The following SEPTIN9 variants were observed in gnomAD, a reference collection of about 807,000 sequenced individuals.
SEPTIN9 encodes septin-9.
In SEPTIN9, 13 loss-of-function variants were observed where a neutral mutation model predicts 56.6. The observed-to-expected ratio is 0.23, with a 90% confidence interval of 0.15 to 0.37. The LOEUF (loss-of-function observed/expected upper bound fraction) is 0.37, where lower values mean the gene tolerates loss of function less well. SEPTIN9 is among the 10% of genes least tolerant of loss of function. The probability of loss-of-function intolerance (pLI) is 1.00; values close to 1 mark genes in which losing one functional copy is unlikely to be tolerated. For synonymous variants in SEPTIN9, 332 were observed against 334.1 expected, an observed-to-expected ratio of 0.99 and a Z score of 0.07; for missense variants, 650 against 823.1, an observed-to-expected ratio of 0.79 and a Z score of 2.57.
intron 3 of SEPTIN9, among the ~76,000 whole-genome samples, chr17:77,443,749 G>T (rs557264753): frequency 9.9e-5 from 15 of 151,946 alleles, no homozygotes; most frequent in East Asian, 3.9e-4. Flanking sequence ...AGTGAGCTGA[G>T]ATCGCGCCAC....
In SEPTIN9 at chr17:77,492,141, C is replaced by T. The variant is rs116503084; in HGVS notation, c.1381-480C>T. On this transcript the variant is annotated intron_variant, in intron 8 of 11. Transcript: ENST00000427177. The surrounding 1 kb of genome is among the most constrained non-coding windows in gnomAD (Gnocchi z 5.4). Reference sequence around the variant, plus strand: ...GGGTGTGTCTGCCGGAGGCTACACACGGGCTGTGGTCTGTGCCTGGGCAGG... The same window carrying T: ...GGGTGTGTCTGCCGGAGGCTACACATGGGCTGTGGTCTGTGCCTGGGCAGG... Among the ~76,000 whole-genome samples, 3,887 of 152,232 alleles carry T rather than the reference C, an allele frequency of 0.026. 151 individuals carry two copies. The highest frequency in any genetic ancestry group is 0.086 in the African/African-American group (3,577 of 41,532).
Position 77,467,903 on chromosome 17 carries a change from G to T in SEPTIN9, c.722-14241G>T, listed in dbSNP as rs1421362102. ...CAGCGTCTTACTGGGTGCTTCGGAC[G>T]TGTAAGGTTTTGTGGGTAGTGAATG... On this transcript the variant is annotated intron_variant, in intron 3 of 11. Coordinates refer to ENST00000427177, the MANE Select transcript of SEPTIN9 (RefSeq NM_001113491.2). Among the ~76,000 whole-genome samples the T allele has an allele frequency of 2.6e-5, 4 of 152,144 alleles. No individual in the cohort carries two copies. The East Asian group carries it at 5.8e-4, about 22-fold the overall frequency.
intron 3 of SEPTIN9, among the ~76,000 whole-genome samples, chr17:77,462,828 G>C (rs893388349): frequency 1.3e-5 from 2 of 152,126 alleles, no homozygotes; most frequent in African/African-American, 4.8e-5. Context: ...TTTTAGTAGG[G>C]ATGGGGTTTT....
chr17:77,284,773 G>T (rs915605440), intron 1 of SEPTIN9, among the ~76,000 whole-genome samples: 4 of 152,154 alleles, frequency 2.6e-5, no homozygotes, highest in Non-Finnish European at 5.9e-5. Flanking sequence ...GGGATTGTAG[G>T]AACGTGCCAC....
chr17:77,461,250 G>C (rs2144500061), intron 3 of SEPTIN9, among the ~76,000 whole-genome samples: 1 of 150,474 alleles, frequency 6.6e-6, no homozygotes, highest in East Asian at 2.0e-4. Flanking sequence ...AGGTTGCAGT[G>C]AGCCGAGATC....
chr17:77,378,659 C>T (rs2035022650), intron 2 of SEPTIN9, among the ~76,000 whole-genome samples: 1 of 152,226 alleles, frequency 6.6e-6, no homozygotes, highest in Admixed American at 6.5e-5. Flanking sequence ...GAAAGCACGG[C>T]AGACACTAGT....
chr17:77,473,460 T>C (rs753250243), intron 3 of SEPTIN9, among the ~76,000 whole-genome samples: 26 of 152,204 alleles, frequency 1.7e-4, no homozygotes, highest in Non-Finnish European at 3.4e-4. Context: ...CTTGAACTCC[T>C]GGGCTCAAAC....
chr17:77,387,424 T>G (rs185362443), intron 2 of SEPTIN9, among the ~76,000 whole-genome samples: 1 of 152,332 alleles, frequency 6.6e-6, no homozygotes, highest in East Asian at 1.9e-4. Context: ...AAGACCCTAT[T>G]CCAACTCCTG....
chr17:77,499,077 A>G lies in SEPTIN9; in HGVS notation c.*419A>G, dbSNP rs1434833280. 1.9e-6 allele frequency: 1 copy of G among 535,188 alleles called. No individual in the cohort carries two copies. Among genetic ancestry groups the G allele is most frequent in the East Asian group, 3.9e-5 (1 of 25,622 alleles). The allele number at this position is 535,188 out of a possible 1,614,324, so 33.2% of individuals were successfully genotyped here. A position where few individuals can be genotyped will look rare whatever the true frequency, so the allele number is the denominator to read the frequency against. ...GGGCTGCACGCTCCCCTCCATCCCC[A>G]TCGGCCCTGTCCCCTGGAGTGTGTC... On this transcript the variant is annotated 3_prime_UTR_variant, in exon 12 of 12. Coordinates refer to ENST00000427177, the MANE Select transcript of SEPTIN9 (RefSeq NM_001113491.2).
At chr17:77,347,250 C>A (rs2033919647) in intron 2 of SEPTIN9, among the ~76,000 whole-genome samples, 1 of 151,858 alleles carries the variant, frequency 6.6e-6, no homozygotes, top group Non-Finnish European at 1.5e-5. Flanking sequence ...TGGTGGCAGG[C>A]TCCTGTAATC....
rs749266599 is a variant in SEPTIN9, at chr17:77,429,104, C to T, written c.721+26401C>T. 2 of 471,526 alleles carry T rather than the reference C, an allele frequency of 4.2e-6. No individual in the cohort carries two copies. The highest frequency in any genetic ancestry group is 8.8e-6 in the Non-Finnish European group (2 of 227,190). The allele number at this position is 471,526 out of a possible 1,614,324, so 29.2% of individuals were successfully genotyped here. On this transcript the variant is annotated intron_variant, in intron 3 of 11. Coordinates refer to ENST00000427177, the MANE Select transcript of SEPTIN9 (RefSeq NM_001113491.2). The surrounding 1 kb of genome is among the most constrained non-coding windows in gnomAD (Gnocchi z 5.2). ...GCTATTTGTGCCCCAGCTCCGTGTC[C>T]TCCGGTGTGTGTGAGGCCAAGCTCC...
chr17:77,417,422 A>G lies in SEPTIN9; in HGVS notation c.721+14719A>G, dbSNP rs1473413182. On this transcript the variant is annotated intron_variant, in intron 3 of 11. Coordinates refer to ENST00000427177, the MANE Select transcript of SEPTIN9 (RefSeq NM_001113491.2). Reference sequence around the variant, plus strand: ...GGCCGATGGACCCTGGCAGAGGGGAAGGGGGCCCTTGCACATAGAAAATGT... The same window carrying G: ...GGCCGATGGACCCTGGCAGAGGGGAGGGGGGCCCTTGCACATAGAAAATGT... Among the ~76,000 whole-genome samples the G allele has an allele frequency of 2.6e-5, 4 of 152,274 alleles. No homozygotes were observed. The East Asian group carries it at 5.8e-4, about 22-fold the overall frequency.
In SEPTIN9 at chr17:77,451,086, C is replaced by T. The variant is rs1456601802; in HGVS notation, c.722-31058C>T. Reference sequence around the variant, plus strand: ...CTGAGAGGAGGGGGCTCCTCACGGGCACCGCCTCTGGCAAGCACAGGGACA... The same window carrying T: ...CTGAGAGGAGGGGGCTCCTCACGGGTACCGCCTCTGGCAAGCACAGGGACA... On this transcript the variant is annotated intron_variant, in intron 3 of 11. Coordinates refer to ENST00000427177, the MANE Select transcript of SEPTIN9 (RefSeq NM_001113491.2). This position sits in a 1 kb window ranked among gnomAD's most constrained non-coding sequence, Gnocchi z 4.2. 4 of 154,996 alleles carry T rather than the reference C, an allele frequency of 2.6e-5. No homozygotes were observed. The highest frequency in any genetic ancestry group is 9.7e-5 in the African/African-American group (4 of 41,442). 9.6% of individuals were successfully genotyped at this position (154,996 alleles called of 1,614,324 possible). A position where few individuals can be genotyped will look rare whatever the true frequency, so the allele number is the denominator to read the frequency against.
chr17:77,444,270 A>G (rs1345218937), intron 3 of SEPTIN9, among the ~76,000 whole-genome samples: 1 of 152,164 alleles, frequency 6.6e-6, no homozygotes, highest in Non-Finnish European at 1.5e-5. Context: ...AAGGAGTGAT[A>G]AAGCGGGAGG....
intron 3 of SEPTIN9, among the ~76,000 whole-genome samples, chr17:77,471,778 G>T (rs1320362536): frequency 6.6e-6 from 1 of 152,234 alleles, no homozygotes; most frequent in Non-Finnish European, 1.5e-5. Context: ...AGGCCACTGT[G>T]GACATGGCTG....
At position 77,309,876 on chromosome 17, in the gene SEPTIN9, A is replaced by G. The variant is rs1454562653; in HGVS notation, c.76+2679A>G. 3.3e-5 allele frequency among the ~76,000 whole-genome samples: 5 copies of G among 152,096 alleles called. No individual in the cohort carries two copies. The East Asian group carries it at 9.6e-4, about 29-fold the overall frequency. ...GCCGCAGCCCTGGGTGACCTTCTCC[A>G]TCCTAGCCCCACTCCTGCTGCGGTG... On this transcript the variant is annotated intron_variant, in intron 2 of 11. Coordinates refer to ENST00000427177, the MANE Select transcript of SEPTIN9 (RefSeq NM_001113491.2).
chr17:77,300,442 C>T (rs2031988333), intron 1 of SEPTIN9, among the ~76,000 whole-genome samples: 1 of 152,122 alleles, frequency 6.6e-6, no homozygotes, highest in Admixed American at 6.5e-5. Context: ...GCCTGGTGCC[C>T]AGTGTACCTC....
At chr17:77,351,657 C>T (rs1027650538) in intron 2 of SEPTIN9, among the ~76,000 whole-genome samples, 8 of 152,218 alleles carry the variant, frequency 5.3e-5, no homozygotes, top group Non-Finnish European at 7.3e-5. Flanking sequence ...GTCAGAGAGC[C>T]GAGAAGGCTG....
At chr17:77,393,712 G>A (rs540585648) in intron 2 of SEPTIN9, among the ~76,000 whole-genome samples, 17 of 152,140 alleles carry the variant, frequency 1.1e-4, no homozygotes, top group African/African-American at 3.6e-4. Flanking sequence ...TCAGCCTCCC[G>A]AGTAGCTGGG....
Sources: gnomAD v4.1 joint callset for allele counts (sites outside exome capture counted in the v4.1 genomes callset) on GRCh38, gnomAD v4.1.1 for gene constraint, Gnocchi (gnomAD v3.1) non-coding constraint, MANE v1.5 for transcripts, NCBI Gene and HGNC (gene_info 2026-07-23, HGNC 2026-07-21) for gene names.